Variants in RASL10B observed in about 807,000 individuals in gnomAD.
RASL10B encodes RAS like family 10 member B, also known as ras-like protein family member 10B.
RASL10B carries 10 observed loss-of-function variants against 20.7 expected under a neutral mutation model. The ratio of observed to expected loss-of-function variants is 0.48; its 90% CI spans 0.30 to 0.82. The LOEUF (loss-of-function observed/expected upper bound fraction) is 0.82. RASL10B is among the 40% of genes least tolerant of loss of function. The probability of loss-of-function intolerance (pLI) is 0.07; values close to 1 mark genes in which losing one functional copy is unlikely to be tolerated. For synonymous variants in RASL10B, 110 were observed against 123.3 expected, an observed-to-expected ratio of 0.89 and a Z score of 0.72; for missense variants, 231 against 295.4, an observed-to-expected ratio of 0.78 and a Z score of 1.60.
chr17:35,740,405 G>T lies in RASL10B; in HGVS notation c.217-4G>T. ...GACCCTGGTACTGGCTGGGGATATT[G>T]CAGGAGTGGGCAGACACCTGCTGCA... On this transcript the variant is annotated splice_polypyrimidine_tract_variant and splice_region_variant and intron_variant, in intron 2 of 3. Transcript: ENST00000603017. 6.2e-7 allele frequency: 1 copy of T among 1,612,994 alleles called. No individual in the cohort carries two copies. Among genetic ancestry groups the T allele is most frequent in the Non-Finnish European group, 8.5e-7 (1 of 1,179,364 alleles).
At position 35,742,025 on chromosome 17, in the gene RASL10B, T is replaced by C; in HGVS notation, c.*720T>C. Reference sequence around the variant, plus strand: ...CTACCTTCCAGCCTTAACTCGATGGTCCGTCCCTGCCAGGTGCCCCTCACT... The same window carrying C: ...CTACCTTCCAGCCTTAACTCGATGGCCCGTCCCTGCCAGGTGCCCCTCACT... On this transcript the variant is annotated 3_prime_UTR_variant, in exon 4 of 4. Transcript: ENST00000603017. The C allele has an allele frequency of 6.6e-6, 1 of 152,246 alleles. No individual in the cohort carries two copies. The highest frequency in any genetic ancestry group is 1.5e-5 in the Non-Finnish European group (1 of 68,086). The allele number at this position is 152,246 out of a possible 1,614,324, so 9.4% of individuals were successfully genotyped here. A position where few individuals can be genotyped will look rare whatever the true frequency, so the allele number is the denominator to read the frequency against.
chr17:35,739,274 C>G (rs1419455529), intron 2 of RASL10B, among the ~76,000 whole-genome samples: 1 of 152,192 alleles, frequency 6.6e-6, no homozygotes, highest in East Asian at 1.9e-4. Context: ...CCACTCAATT[C>G]AGATGCTGGG....
At chr17:35,736,053 G>T (rs587740014) in intron 2 of RASL10B, among the ~76,000 whole-genome samples, 3 of 152,282 alleles carry the variant, frequency 2.0e-5, no homozygotes, top group South Asian at 4.1e-4. Flanking sequence ...CTTAAGTGAT[G>T]CTCTGCCCCT....
Position 35,740,478 on chromosome 17 carries a change from TG to T in RASL10B, c.287del (p.Cys96SerfsTer20). 3.7e-6 allele frequency: 6 copies of T among 1,614,148 alleles called. No individual in the cohort carries two copies. The highest frequency in any genetic ancestry group is 4.2e-6 in the Non-Finnish European group (5 of 1,180,014). On this transcript the variant is annotated frameshift_variant, in exon 3 of 4. Transcript: ENST00000603017. LOFTEE classifies it high-confidence loss of function. ...CTACATCCTGGTCTACGACATCTGCTGCTTTGACAGCTTTGAGTACGTCAAG... is the reference window on the plus strand; with the variant it reads ...CTACATCCTGGTCTACGACATCTGCTCTTTGACAGCTTTGAGTACGTCAAG... The part of the protein sequence containing the change: ...HAYILVYDIC[C>X]FDSFEYVKTI...
Position 35,741,019 on chromosome 17 carries a change from C to G in RASL10B, c.342-16C>G, listed in dbSNP as rs782252821. Reference sequence around the variant, plus strand: ...TGGGGCTGACAGAGTTCTGAGCTGCCTGCCTCGCCCCACAGGGTGATCGGA... The same window carrying G: ...TGGGGCTGACAGAGTTCTGAGCTGCGTGCCTCGCCCCACAGGGTGATCGGA... On this transcript the variant is annotated splice_polypyrimidine_tract_variant and intron_variant, in intron 3 of 3. Coordinates refer to ENST00000603017, the MANE Select transcript of RASL10B (RefSeq NM_033315.4). The G allele has an allele frequency of 4.8e-5, 75 of 1,576,916 alleles. No homozygotes were observed. Among genetic ancestry groups the G allele is most frequent in the Middle Eastern group, 1.7e-4 (1 of 5,958 alleles).
intron 1 of RASL10B, among the ~76,000 whole-genome samples, chr17:35,732,348 T>C (rs2085563617): frequency 6.6e-6 from 1 of 152,216 alleles, no homozygotes; most frequent in South Asian, 2.1e-4. Flanking sequence ...CTCTTGCCTC[T>C]CTTTCCGGGC....
intron 1 of RASL10B, among the ~76,000 whole-genome samples, chr17:35,733,543 A>C (rs916808185): frequency 4.6e-5 from 7 of 152,240 alleles, no homozygotes; most frequent in Admixed American, 3.3e-4. Context: ...TGTGGAAAGA[A>C]CATGCATCTG....
Position 35,735,083 on chromosome 17 carries a change from T to C in RASL10B, c.-102T>C. 8.4e-7 allele frequency: 1 copy of C among 1,197,218 alleles called. No homozygotes were observed. The highest frequency in any genetic ancestry group is 1.8e-5 in the Admixed American group (1 of 56,866). 74.2% of individuals were successfully genotyped at this position (1,197,218 alleles called of 1,614,324 possible). ...GGCCCAGGGCAAGCAGAGGCAGCAA[T>C]GGTTGGTCCTGACGGTGGCTGAGCC... On this transcript the variant is annotated 5_prime_UTR_variant, in exon 2 of 4. An upstream start codon of the reference 5' UTR is lost. Transcript: ENST00000603017. This position sits in a 1 kb window ranked among gnomAD's most constrained non-coding sequence, Gnocchi z 6.7.
intron 2 of RASL10B, 135 bp from the exon 3 acceptor site, chr17:35,740,274 C>T (rs1407256408): frequency 3.5e-6 from 4 of 1,150,900 alleles, no homozygotes; most frequent in Non-Finnish European, 4.9e-6. Flanking sequence ...GGCCTGGTCT[C>T]CTGGGGATGG....
chr17:35,741,502 C>T lies in RASL10B; in HGVS notation c.*197C>T. 1 of 830,918 alleles carries T rather than the reference C, an allele frequency of 1.2e-6. No individual in the cohort carries two copies. Among genetic ancestry groups the T allele is most frequent in the Non-Finnish European group, 1.7e-6 (1 of 592,616 alleles). The allele number at this position is 830,918 out of a possible 1,614,324, so 51.5% of individuals were successfully genotyped here. ...AACTGCCCAGCCCTGCCCCTTGCCC[C>T]CGTGGCTTCCTGGGACAGCCGCCTT... On this transcript the variant is annotated 3_prime_UTR_variant, in exon 4 of 4. Coordinates refer to ENST00000603017, the MANE Select transcript of RASL10B (RefSeq NM_033315.4).
At position 35,741,460 on chromosome 17, in the gene RASL10B, G is replaced by C; in HGVS notation, c.*155G>C. 8 of 1,171,384 alleles carry C rather than the reference G, an allele frequency of 6.8e-6. No homozygotes were observed. Among genetic ancestry groups the C allele is most frequent in the Non-Finnish European group, 9.0e-6 (8 of 892,234 alleles). The allele number at this position is 1,171,384 out of a possible 1,614,324, so 72.6% of individuals were successfully genotyped here. On this transcript the variant is annotated 3_prime_UTR_variant, in exon 4 of 4. Transcript: ENST00000603017. Reference sequence around the variant, plus strand: ...CACCTCCCGGTGAGAAGCAGAGCGCGAGAGGGAGCCCTCCGTAACTGCCCA... The same window carrying C: ...CACCTCCCGGTGAGAAGCAGAGCGCCAGAGGGAGCCCTCCGTAACTGCCCA...
At chr17:35,733,765 C>T (rs2085573549) in intron 1 of RASL10B, among the ~76,000 whole-genome samples, 1 of 152,226 alleles carries the variant, frequency 6.6e-6, no homozygotes, top group African/African-American at 2.4e-5. Flanking sequence ...TGGATTTTCT[C>T]AGAAGTAGGG....
Position 35,740,272 on chromosome 17 carries a change from C to T in RASL10B, c.217-137C>T. ...CTCCTCCATTCTCCCTGGGCCTGGT[C>T]TCCTGGGGATGGTCGGGTATGGAAG... On this transcript the variant is annotated intron_variant, in intron 2 of 3. Transcript: ENST00000603017. The T allele has an allele frequency of 4.5e-6, 5 of 1,113,478 alleles. No individual in the cohort carries two copies. In the South Asian group the frequency reaches 4.7e-5, roughly 10 times the overall value. 69.0% of individuals were successfully genotyped at this position (1,113,478 alleles called of 1,614,324 possible). A position where few individuals can be genotyped will look rare whatever the true frequency, so the allele number is the denominator to read the frequency against.
intron 3 of RASL10B, 91 bp downstream of exon 3, chr17:35,740,624 A>G: frequency 7.0e-7 from 1 of 1,424,918 alleles, no homozygotes; most frequent in Non-Finnish European, 9.7e-7. Flanking sequence ...AGGGACACAG[A>G]TAGAGGTATA....
chr17:35,737,478 A>G (rs1033990540), intron 2 of RASL10B, among the ~76,000 whole-genome samples: 3 of 152,146 alleles, frequency 2.0e-5, no homozygotes, highest in Admixed American at 6.5e-5. Flanking sequence ...GTGCTGTTTC[A>G]AACAGTGCCA....
chr17:35,734,590 G>T (rs868917609), intron 1 of RASL10B, among the ~76,000 whole-genome samples: 3 of 152,166 alleles, frequency 2.0e-5, no homozygotes, highest in Admixed American at 6.5e-5. Flanking sequence ...GAAAGCAAAT[G>T]TCCTGCAATG....
chr17:35,736,535 C>G (rs2143019730), intron 2 of RASL10B, among the ~76,000 whole-genome samples: 1 of 152,328 alleles, frequency 6.6e-6, no homozygotes, highest in African/African-American at 2.4e-5. Context: ...CGCATCTGCC[C>G]TGGAAGCAGT....
At chr17:35,738,396 G>C (rs1419320248) in intron 2 of RASL10B, among the ~76,000 whole-genome samples, 1 of 152,110 alleles carries the variant, frequency 6.6e-6, no homozygotes, top group African/African-American at 2.4e-5. Context: ...GCCACCATCT[G>C]GAAACAAAAT....
At chr17:35,734,215 G>A (rs933945349) in intron 1 of RASL10B, among the ~76,000 whole-genome samples, 2 of 152,182 alleles carry the variant, frequency 1.3e-5, no homozygotes, top group African/African-American at 4.8e-5. Flanking sequence ...GAACCCAGGA[G>A]GTGAAGGCTG....
Sources: allele counts gnomAD v4.1 joint callset (sites outside exome capture counted in the v4.1 genomes callset), GRCh38; gene constraint gnomAD v4.1.1; non-coding constraint Gnocchi (gnomAD v3.1); transcripts MANE v1.5; gene names NCBI Gene and HGNC (gene_info 2026-07-23, HGNC 2026-07-21).